Variants in MROH2A observed in about 807,000 individuals in gnomAD.
MROH2A encodes maestro heat like repeat family member 2A.
Under a neutral mutation model 200.4 loss-of-function variants are expected in MROH2A, and 174 were observed. That is an observed-to-expected ratio of 0.87 (90% CI 0.77 to 0.98). The LOEUF (loss-of-function observed/expected upper bound fraction) is 0.98, where lower values mean the gene tolerates loss of function less well. MROH2A is among the 50% of genes least tolerant of loss of function. The pLI, the probability that MROH2A is intolerant of heterozygous loss-of-function variation, is 0.00. For synonymous variants in MROH2A, 829 were observed against 840.4 expected, an observed-to-expected ratio of 0.99 and a Z score of 0.23; for missense variants, 2,045 against 2,139.6, an observed-to-expected ratio of 0.96 and a Z score of 0.87.
Position 233,833,376 on chromosome 2 carries a change from CTT to C in MROH2A, c.*120_*121del. The C allele has an allele frequency of 4.4e-6, 5 of 1,139,646 alleles. No individual in the cohort carries two copies. The highest frequency in any genetic ancestry group is 2.4e-6 in the Non-Finnish European group (2 of 840,626). 70.6% of individuals were successfully genotyped at this position (1,139,646 alleles called of 1,614,324 possible). The stretch of plus-strand genomic sequence containing the variant: ...ACACTATTGTAAAATAACTAGTATC[CTT>C]TTGTTTCCTTCCGTTGAAATAAACC... On this transcript the variant is annotated 3_prime_UTR_variant, in exon 42 of 42. Transcript: ENST00000389758.
chr2:233,823,672 T>G lies in MROH2A; in HGVS notation c.4113+8T>G, dbSNP rs1222833042. ...AGCAGCACAGCGGTCTGCGTGGAAA[T>G]GAGGCACCGGGTGTGGGCGGGGTGC... On this transcript the variant is annotated splice_region_variant and intron_variant, in intron 35 of 41. Coordinates refer to ENST00000389758, the MANE Select transcript of MROH2A (RefSeq NM_001394639.1). 2.6e-6 allele frequency: 4 copies of G among 1,548,024 alleles called. No homozygotes were observed. In the African/African-American group the frequency reaches 5.5e-5, roughly 21 times the overall value.
chr2:233,821,359 G>GC (rs1279545069), intron 31 of MROH2A, among the ~76,000 whole-genome samples: 6 of 150,818 alleles, frequency 4.0e-5, no homozygotes, highest in African/African-American at 7.3e-5. Context: ...AGTGCACTCT[G>GC]CCCCCTCTCC....
chr2:233,809,065 C>T, intron 21 of MROH2A, 61 bp from the exon 22 acceptor site: 1 of 1,504,914 alleles, frequency 6.6e-7, no homozygotes, highest in Non-Finnish European at 9.0e-7. Flanking sequence ...CAGAGACCAT[C>T]ACCTGCATCT....
rs1704038636 is a variant in MROH2A, at chr2:233,822,836, CGCTCCCAGCAGGGCAGCGCATCACAA to C, written c.3867-37_3867-12del. The C allele has an allele frequency of 1.3e-6, 2 of 1,542,870 alleles. No individual in the cohort carries two copies. Among genetic ancestry groups the C allele is most frequent in the Non-Finnish European group, 1.8e-6 (2 of 1,141,616 alleles). On this transcript the variant is annotated intron_variant, in intron 33 of 41. Coordinates refer to ENST00000389758, the MANE Select transcript of MROH2A (RefSeq NM_001394639.1). ...ATTGCAGCAGCCTCCCCAGGCCATG[CGCTCCCAGCAGGGCAGCGCATCACAA>C]GCTCCCACCTCCCTTCAGGGTCACT...
chr2:233,793,036 C>T (rs910051639), intron 6 of MROH2A, 142 bp downstream of exon 6: 74 of 833,494 alleles, frequency 8.9e-5, no homozygotes, highest in Non-Finnish European at 1.3e-4. Context: ...TAATCTTTTA[C>T]TTCGTGTGGC....
intron 12 of MROH2A, 40 bp from the exon 13 acceptor site, chr2:233,799,740 C>T: frequency 6.5e-7 from 1 of 1,548,964 alleles, no homozygotes. Flanking sequence ...CCTTGGAGCC[C>T]ACCCCAACCC....
intron 38 of MROH2A, 42 bp downstream of exon 38, chr2:233,829,817 C>T: frequency 7.7e-7 from 1 of 1,290,330 alleles, no homozygotes; most frequent in Non-Finnish European, 9.9e-7. Flanking sequence ...CTGGGGCCCG[C>T]TGTTCCCCGA....
intron 14 of MROH2A, among the ~76,000 whole-genome samples, chr2:233,801,175 G>T (rs150381242): frequency 2.6e-5 from 4 of 152,314 alleles, no homozygotes; most frequent in Admixed American, 1.3e-4. Context: ...ATAGATCCAG[G>T]ATTGAAATTC....
At chr2:233,805,845 C>T (rs533892018) in intron 19 of MROH2A, among the ~76,000 whole-genome samples, 1 of 152,152 alleles carries the variant, frequency 6.6e-6, no homozygotes, top group South Asian at 2.1e-4. Context: ...ACAAATGGGG[C>T]TAGGGTAACT....
intron 35 of MROH2A, among the ~76,000 whole-genome samples, chr2:233,827,529 A>G (rs1187161506): frequency 6.6e-6 from 1 of 152,186 alleles, no homozygotes; most frequent in Non-Finnish European, 1.5e-5. Flanking sequence ...ATGAGATCAC[A>G]TGGACACAGG....
intron 26 of MROH2A, among the ~76,000 whole-genome samples, chr2:233,815,311 A>G (rs1231371784): frequency 1.3e-5 from 2 of 152,242 alleles, no homozygotes; most frequent in East Asian, 3.8e-4. Context: ...TTCTGGATAC[A>G]ACCCATCAGA....
rs1328551619 is a variant in MROH2A at position 233,820,395 on chromosome 2, C to T, written c.3512+339C>T. Among the ~76,000 whole-genome samples the T allele has an allele frequency of 1.3e-5, 2 of 152,154 alleles. No individual in the cohort carries two copies. The highest frequency in any genetic ancestry group is 3.9e-4 in the East Asian group (2 of 5,188). The stretch of plus-strand genomic sequence containing the variant: ...AGCAGATGGGCTGCAGGGTGCGGCT[C>T]CAAGGCATGAGCAAGCCCTGGATAT... On this transcript the variant is annotated intron_variant, in intron 31 of 41. Transcript: ENST00000389758. This position sits in a 1 kb window ranked among gnomAD's most constrained non-coding sequence, Gnocchi z 4.1.
chr2:233,794,917 C>T (rs1037918492), intron 8 of MROH2A, among the ~76,000 whole-genome samples: 1 of 152,198 alleles, frequency 6.6e-6, no homozygotes, highest in Non-Finnish European at 1.5e-5. Flanking sequence ...AGCAAGCTCT[C>T]TTGCCTCTTC....
chr2:233,795,855 T>C, intron 9 of MROH2A, 110 bp downstream of exon 9: 1 of 1,539,236 alleles, frequency 6.5e-7, no homozygotes, highest in South Asian at 1.2e-5. Flanking sequence ...TCCTTTATCC[T>C]GATGGGGTAT....
chr2:233,779,619 C>T, intron 2 of MROH2A, 52 bp from the exon 3 acceptor site: 1 of 1,535,788 alleles, frequency 6.5e-7, no homozygotes, highest in Non-Finnish European at 8.8e-7. Context: ...ACAAGGGCAC[C>T]TCCTGTCATG....
chr2:233,786,467 G>C (rs1402837116), intron 3 of MROH2A, among the ~76,000 whole-genome samples: 1 of 152,216 alleles, frequency 6.6e-6, no homozygotes, highest in East Asian at 1.9e-4. Flanking sequence ...CATGAGATTA[G>C]GGTCCCACCC....
At chr2:233,817,957 C>T (rs1559473854) in intron 27 of MROH2A, 45 bp from the exon 28 acceptor site, 1 of 1,548,914 alleles carries the variant, frequency 6.5e-7, no homozygotes, top group Non-Finnish European at 8.7e-7. Context: ...CCCAGGTGTG[C>T]ATGAGAGCAC....
At position 233,794,363 on chromosome 2, in the gene MROH2A, G is replaced by A. The variant is rs908987859; in HGVS notation, c.823G>A (p.Val275Met). ...TCCCAGAGCTGGTTTCTGGTGGCAG[G>A]TGAAGCTGGGGGTGATCAAGTCCCT... ...TVWLRHYNPEVKLGVIKSLKP... is the reference protein window; with the variant it reads ...TVWLRHYNPEMKLGVIKSLKP... The change falls in exon 8 of 42, where the codon GTG becomes ATG. Residue 275 changes from valine to methionine, a missense_variant and splice_region_variant. By Grantham distance (21) the Val-to-Met change is conservative. Around this residue, in one of 3 missense-constraint regions of MROH2A, gnomAD observed 831 missense variants for 800.0 expected, o/e 1.04. Transcript: ENST00000389758. The A allele has an allele frequency of 2.6e-6, 4 of 1,549,910 alleles. No homozygotes were observed. The highest frequency in any genetic ancestry group is 3.5e-6 in the Non-Finnish European group (4 of 1,146,432).
rs769375844 is a variant in MROH2A at position 233,820,104 on chromosome 2, A to G, written c.3512+48A>G. 1.0e-5 allele frequency: 15 copies of G among 1,451,110 alleles called. No individual in the cohort carries two copies. Among genetic ancestry groups the G allele is most frequent in the Middle Eastern group, 2.4e-4 (1 of 4,208 alleles). The allele number at this position is 1,451,110 out of a possible 1,614,324, so 89.9% of individuals were successfully genotyped here. A position where few individuals can be genotyped will look rare whatever the true frequency, so the allele number is the denominator to read the frequency against. On this transcript the variant is annotated intron_variant, in intron 31 of 41. Coordinates refer to ENST00000389758, the MANE Select transcript of MROH2A (RefSeq NM_001394639.1). This position sits in a 1 kb window ranked among gnomAD's most constrained non-coding sequence, Gnocchi z 4.1. ...CCCCGGCCTCCTGTGCCATTTGACCATGCCCAACTCACCACCCCGATGTGT... is the reference window on the plus strand; with the variant it reads ...CCCCGGCCTCCTGTGCCATTTGACCGTGCCCAACTCACCACCCCGATGTGT...
Sources: allele counts gnomAD v4.1 joint callset (sites outside exome capture counted in the v4.1 genomes callset), GRCh38; gene constraint gnomAD v4.1.1; regional missense constraint gnomAD v4.1.1; non-coding constraint Gnocchi (gnomAD v3.1); transcripts MANE v1.5; gene names NCBI Gene and HGNC (gene_info 2026-07-23, HGNC 2026-07-21).